The following EEFSEC variants were observed in gnomAD, a reference collection of about 807,000 sequenced individuals.
EEFSEC encodes eukaryotic elongation factor, selenocysteine-tRNA specific.
In EEFSEC, 43 loss-of-function variants were observed where a neutral mutation model predicts 42.1. The ratio of observed to expected loss-of-function variants is 1.02; its 90% CI spans 0.80 to 1.32. The LOEUF is 1.32. Ranked by LOEUF, EEFSEC falls within the 40% of genes most tolerant of loss-of-function variation. EEFSEC has a pLI of 0.00. For missense variants in EEFSEC, 745 were observed against 803.6 expected, an observed-to-expected ratio of 0.93 and a Z score of 0.88; for synonymous variants, 354 against 339.1, an observed-to-expected ratio of 1.04 and a Z score of -0.48.
intron 2 of EEFSEC, among the ~76,000 whole-genome samples, chr3:128,257,726 A>G (rs1168230221): frequency 6.6e-6 from 1 of 152,250 alleles, no homozygotes; most frequent in East Asian, 1.9e-4. Context: ...AGTGAAGCTT[A>G]TAACGGGCAT....
intron 1 of EEFSEC, among the ~76,000 whole-genome samples, chr3:128,235,075 A>T (rs758982626): frequency 6.6e-6 from 1 of 151,550 alleles, no homozygotes; most frequent in Non-Finnish European, 1.5e-5. Flanking sequence ...ATTTTATTTT[A>T]TTTTTTTGAG....
At chr3:128,379,774 G>C (rs147070650) in intron 6 of EEFSEC, among the ~76,000 whole-genome samples, 1 of 152,246 alleles carries the variant, frequency 6.6e-6, no homozygotes, top group African/African-American at 2.4e-5. Context: ...GAGTGTCTTC[G>C]TGGGGTCACA....
In EEFSEC at chr3:128,358,292, A is replaced by G; in HGVS notation, c.1519A>G (p.Lys507Glu). Residue 507 changes from lysine to glutamate, a missense_variant, in exon 6 of 7, where the codon AAG becomes GAG. By Grantham distance (56) the Lys-to-Glu change is moderately conservative. Transcript: ENST00000254730. ...CAACATCCAGCTCTTCGTGGGGCTCAAGGTGCACTTGTCCACTGGGGAACT... is the reference window on the plus strand; with the variant it reads ...CAACATCCAGCTCTTCGTGGGGCTCGAGGTGCACTTGTCCACTGGGGAACT... ...ETNIQLFVGL[K>E]VHLSTGELGI... 2 of 1,614,240 alleles carry G rather than the reference A, an allele frequency of 1.2e-6. No homozygotes were observed. Among genetic ancestry groups the G allele is most frequent in the African/African-American group, 2.7e-5 (2 of 75,062 alleles).
At chr3:128,351,057 C>T (rs2067379166) in intron 5 of EEFSEC, among the ~76,000 whole-genome samples, 1 of 152,148 alleles carries the variant, frequency 6.6e-6, no homozygotes, top group South Asian at 2.1e-4. Context: ...CTTCCCATTC[C>T]TCATTGGATC....
At chr3:128,377,206 G>A (rs1014869400) in intron 6 of EEFSEC, among the ~76,000 whole-genome samples, 5 of 152,160 alleles carry the variant, frequency 3.3e-5, no homozygotes, top group African/African-American at 9.6e-5. Flanking sequence ...TTGAGATATG[G>A]TGTATACAAT....
chr3:128,389,376 G>C (rs1226140255), intron 6 of EEFSEC, among the ~76,000 whole-genome samples: 1 of 152,234 alleles, frequency 6.6e-6, no homozygotes, highest in Non-Finnish European at 1.5e-5. Context: ...GGTCCTGCCT[G>C]GCACCGTCTC....
chr3:128,200,404 T>A (rs1366236366), intron 1 of EEFSEC, among the ~76,000 whole-genome samples: 1 of 152,224 alleles, frequency 6.6e-6, no homozygotes, highest in East Asian at 1.9e-4. Context: ...TTCTCATGCC[T>A]CAGCCTCCCC....
At chr3:128,341,189 G>A (rs541702681) in intron 4 of EEFSEC, 44 bp from the exon 5 acceptor site, 8 of 1,554,012 alleles carry the variant, frequency 5.1e-6, no homozygotes, top group East Asian at 2.2e-5. Context: ...CCACAGCCCC[G>A]AGGCTTGTTG....
chr3:128,425,730 G>GGGCCCTCCTC, the EEFSEC span, among the ~76,000 whole-genome samples: 233 of 152,296 alleles, frequency 1.5e-3, 1 homozygote, highest in Non-Finnish European at 2.9e-3. Context: ...GGGCCCTCCT[G>GGGCCCTCCTC]TCCTGTGGGC....
chr3:128,238,538 T>G (rs1427101235), intron 1 of EEFSEC, among the ~76,000 whole-genome samples: 1 of 152,172 alleles, frequency 6.6e-6, no homozygotes, highest in East Asian at 1.9e-4. Context: ...TCTTTGAGCT[T>G]GCTCTGTCGC....
chr3:128,240,266 G>T (rs2066056745), intron 1 of EEFSEC, among the ~76,000 whole-genome samples: 1 of 152,222 alleles, frequency 6.6e-6, no homozygotes. Flanking sequence ...CCCAGGTTCA[G>T]TGCTCACAGC....
chr3:128,322,203 G>T (rs1262142980), intron 4 of EEFSEC, among the ~76,000 whole-genome samples: 1 of 152,232 alleles, frequency 6.6e-6, no homozygotes, highest in African/African-American at 2.4e-5. Flanking sequence ...CTGTTGCCAT[G>T]ACGGCCCGTC....
At chr3:128,416,954 G>A in the EEFSEC span, among the ~76,000 whole-genome samples, 1 of 152,122 alleles carries the variant, frequency 6.6e-6, no homozygotes, top group Non-Finnish European at 1.5e-5. Flanking sequence ...TTCCTGCTTT[G>A]TGACTCAGAG....
At chr3:128,351,265 T>C (rs1017562483) in intron 5 of EEFSEC, among the ~76,000 whole-genome samples, 5 of 152,242 alleles carry the variant, frequency 3.3e-5, no homozygotes, top group African/African-American at 7.2e-5. Context: ...CACCAAATGC[T>C]GTCTTATTCT....
chr3:128,297,556 C>T (rs1450159563), intron 4 of EEFSEC, among the ~76,000 whole-genome samples: 1 of 152,046 alleles, frequency 6.6e-6, no homozygotes, highest in East Asian at 1.9e-4. Flanking sequence ...TCTGTGGACC[C>T]CACGGTCATG....
chr3:128,330,018 T>C (rs1471139967), intron 4 of EEFSEC, among the ~76,000 whole-genome samples: 1 of 152,196 alleles, frequency 6.6e-6, no homozygotes, highest in African/African-American at 2.4e-5. Flanking sequence ...ATCCCTTGGC[T>C]TACCTCCCAA....
In EEFSEC at chr3:128,253,271, G is replaced by A. The variant is rs1051788805; in HGVS notation, c.524+6228G>A. On this transcript the variant is annotated intron_variant, in intron 2 of 6. Coordinates refer to ENST00000254730, the MANE Select transcript of EEFSEC (RefSeq NM_021937.5). ...TCCCTCTGAGCCTCAGGCTCAGGGC[G>A]TGGAAGCAGAGCCAGTGTACATGGC... 2.6e-5 allele frequency among the ~76,000 whole-genome samples: 4 copies of A among 152,222 alleles called. No homozygotes were observed. The South Asian group carries it at 8.3e-4, about 32-fold the overall frequency.
At chr3:128,185,279 G>C (rs552858009) in intron 1 of EEFSEC, among the ~76,000 whole-genome samples, 2 of 151,662 alleles carry the variant, frequency 1.3e-5, no homozygotes, top group African/African-American at 4.8e-5. Context: ...TCTTTTGGGG[G>C]GATAATTATT....
intron 2 of EEFSEC, among the ~76,000 whole-genome samples, chr3:128,258,282 G>T (rs1018093804): frequency 6.6e-6 from 1 of 152,186 alleles, no homozygotes; most frequent in African/African-American, 2.4e-5. Context: ...TTCCAGGTCA[G>T]TGTCCCTGGG....
Sources: gnomAD v4.1 joint callset for allele counts (sites outside exome capture counted in the v4.1 genomes callset) on GRCh38, gnomAD v4.1.1 for gene constraint, MANE v1.5 for transcripts, NCBI Gene and HGNC (gene_info 2026-07-23, HGNC 2026-07-21) for gene names.